Variants in SHLD2 observed in about 807,000 individuals in gnomAD.
SHLD2 encodes shieldin complex subunit 2, also known as RINN1-REV7-interacting novel NHEJ regulator 2.
SHLD2 carries 30 observed loss-of-function variants against 73.2 expected under a neutral mutation model. The observed-to-expected ratio is 0.41, with a 90% CI of 0.31 to 0.56. The LOEUF (loss-of-function observed/expected upper bound fraction) is 0.56. Ranked by LOEUF, SHLD2 falls within the 20% of genes least tolerant of loss-of-function variation. The probability of loss-of-function intolerance (pLI) is 0.28; values close to 1 mark genes in which losing one functional copy is unlikely to be tolerated. For missense variants in SHLD2, 745 were observed against 1,055.9 expected, an observed-to-expected ratio of 0.71 and a Z score of 4.08; for synonymous variants, 285 against 370.1, an observed-to-expected ratio of 0.77 and a Z score of 2.64.
At chr10:87,131,438 A>G (rs1017182158) in intron 2 of SHLD2, among the ~76,000 whole-genome samples, 5 of 152,144 alleles carry the variant, frequency 3.3e-5, no homozygotes, top group African/African-American at 7.2e-5. Flanking sequence ...CCTTTTGTGG[A>G]TATTTCATAT....
intron 8 of SHLD2, among the ~76,000 whole-genome samples, chr10:87,185,481 G>T (rs1309638576): frequency 6.6e-6 from 1 of 152,142 alleles, no homozygotes; most frequent in African/African-American, 2.4e-5. Context: ...TTAACCTTTT[G>T]AGGACTACCA....
chr10:87,113,296 C>T (rs570416592), intron 2 of SHLD2, among the ~76,000 whole-genome samples: 1 of 152,248 alleles, frequency 6.6e-6, no homozygotes, highest in South Asian at 2.1e-4. Flanking sequence ...TGCACTCCAA[C>T]CTGGTCAATA....
Position 87,176,090 on chromosome 10 carries a change from G to A in SHLD2, c.2165G>A (p.Cys722Tyr), listed in dbSNP as rs1444112481. 1.3e-6 allele frequency: 2 copies of A among 1,548,172 alleles called. No individual in the cohort carries two copies. Among genetic ancestry groups the A allele is most frequent in the African/African-American group, 2.7e-5 (2 of 72,930 alleles). Residue 722 changes from cysteine (C) to tyrosine (Y), a missense_variant, in exon 7 of 10, where the codon TGT becomes TAT. Coordinates refer to ENST00000298786, the MANE Select transcript of SHLD2 (RefSeq NM_001330112.2). ...SDLATHLEDKCSGVVLIKAQI... is the reference protein window; with the variant it reads ...SDLATHLEDKYSGVVLIKAQI... ...TTAGCAACCCACCTAGAGGATAAGT[G>A]TTCAGGTAAGATCTTTATATACATA...
chr10:87,185,275 A>G (rs1455911817), intron 8 of SHLD2, among the ~76,000 whole-genome samples: 1 of 152,130 alleles, frequency 6.6e-6, no homozygotes, highest in East Asian at 1.9e-4. Context: ...ATAATATTGT[A>G]TTGTATGCAT....
chr10:87,098,875 A>G (rs1430562034), intron 2 of SHLD2, among the ~76,000 whole-genome samples: 3 of 152,150 alleles, frequency 2.0e-5, no homozygotes, highest in African/African-American at 7.2e-5. Flanking sequence ...TCCTGGGCTC[A>G]GGCAATCCTC....
intron 4 of SHLD2, among the ~76,000 whole-genome samples, chr10:87,162,704 C>G (rs1451170696): frequency 1.3e-5 from 2 of 151,906 alleles, no homozygotes; most frequent in South Asian, 4.1e-4. Context: ...GATGAACAGT[C>G]AGTTTTCAAA....
At position 87,132,729 on chromosome 10, in the gene SHLD2, G is replaced by A. The variant is rs180908893; in HGVS notation, c.-5-18621G>A. Among the ~76,000 whole-genome samples, 417 of 152,084 alleles carry A rather than the reference G, an allele frequency of 2.7e-3. 1 individual carries two copies. Among genetic ancestry groups the A allele is most frequent in the African/African-American group, 6.6e-3 (273 of 41,494 alleles). On this transcript the variant is annotated intron_variant, in intron 2 of 9. Transcript: ENST00000298786. ...GTCAAGGCTGTGGTGAGCCGAGATC[G>A]TAGCACTGCACTCCAGCCTGGGCAA...
At chr10:87,178,235 CAAAAAAAAAAAAAA>C (rs71019476) in intron 7 of SHLD2, among the ~76,000 whole-genome samples, 8 of 31,024 alleles carry the variant, frequency 2.6e-4, no homozygotes, top group Non-Finnish European at 4.5e-4. Context: ...TACTCTGTCT[CAAAAAAAAAAAAAA>C]AAAAAAAAAA....
intron 2 of SHLD2, among the ~76,000 whole-genome samples, chr10:87,149,866 C>G (rs897972177): frequency 7.9e-5 from 12 of 152,066 alleles, no homozygotes; most frequent in Non-Finnish European, 1.6e-4. Flanking sequence ...GTAGCTGGGA[C>G]TATAGGTGTT....
intron 8 of SHLD2, among the ~76,000 whole-genome samples, chr10:87,186,457 C>G (rs1564617348): frequency 6.6e-6 from 1 of 152,218 alleles, no homozygotes; most frequent in Non-Finnish European, 1.5e-5. Context: ...GCTTCCATTG[C>G]TGGTGAGAAG....
intron 2 of SHLD2, among the ~76,000 whole-genome samples, chr10:87,121,483 A>G (rs1466138908): frequency 7.5e-6 from 1 of 133,504 alleles, no homozygotes; most frequent in Admixed American, 8.4e-5. Flanking sequence ...TAACCTATCC[A>G]TAAATATTAT....
At chr10:87,096,603 A>G (rs1286987801) in intron 1 of SHLD2, among the ~76,000 whole-genome samples, 1 of 152,150 alleles carries the variant, frequency 6.6e-6, no homozygotes, top group East Asian at 1.9e-4. Context: ...CTCTAATGAC[A>G]GTCATTAAAA....
At chr10:87,167,404 G>T (rs906308307) in intron 4 of SHLD2, among the ~76,000 whole-genome samples, 1 of 152,136 alleles carries the variant, frequency 6.6e-6, no homozygotes, top group Non-Finnish European at 1.5e-5. Context: ...TAGGGAAATG[G>T]CTACCAGTGG....
chr10:87,175,842 G>A, intron 6 of SHLD2, 47 bp from the exon 7 acceptor site: 2 of 1,532,364 alleles, frequency 1.3e-6, no homozygotes, highest in Non-Finnish European at 1.8e-6. Context: ...ACTAAGCCTA[G>A]ATTTTTTTCC....
At chr10:87,123,574 G>A (rs1280890812) in intron 2 of SHLD2, among the ~76,000 whole-genome samples, 1 of 152,202 alleles carries the variant, frequency 6.6e-6, no homozygotes, top group African/African-American at 2.4e-5. Flanking sequence ...CATTCGCATT[G>A]TTATGCAACC....
chr10:87,138,456 T>C (rs1377184963), intron 2 of SHLD2, among the ~76,000 whole-genome samples: 2 of 151,646 alleles, frequency 1.3e-5, no homozygotes, highest in Admixed American at 6.6e-5. Context: ...ATAAAGACTT[T>C]TGGGACATAT....
At chr10:87,178,896 G>T (rs1354713296) in intron 7 of SHLD2, among the ~76,000 whole-genome samples, 1 of 152,112 alleles carries the variant, frequency 6.6e-6, no homozygotes, top group Admixed American at 6.5e-5. Flanking sequence ...AAAGACTAAA[G>T]CAAATGAAGT....
intron 2 of SHLD2, among the ~76,000 whole-genome samples, chr10:87,131,753 T>C (rs1471120772): frequency 6.6e-6 from 1 of 152,240 alleles, no homozygotes; most frequent in East Asian, 1.9e-4. Context: ...CGGGATCATA[T>C]ATGGTAATTC....
At chr10:87,094,672 G>A (rs1045137232), upstream of SHLD2, 7 of 1,551,378 alleles carry the variant, frequency 4.5e-6, no homozygotes, top group African/African-American at 9.7e-5. This position sits in a 1 kb window ranked among gnomAD's most constrained non-coding sequence, Gnocchi z 6.6. Context: ...CTGTCCCCGG[G>A]CCCAGCCCAG....
Sources: allele counts gnomAD v4.1 joint callset (sites outside exome capture counted in the v4.1 genomes callset), GRCh38; gene constraint gnomAD v4.1.1; non-coding constraint Gnocchi (gnomAD v3.1); transcripts MANE v1.5; gene names NCBI Gene and HGNC (gene_info 2026-07-23, HGNC 2026-07-21).